The following HRH4 variants were observed in gnomAD, a reference collection of about 807,000 sequenced individuals.
The protein encoded by HRH4 is histamine H4 receptor.
In HRH4, 12 loss-of-function variants were observed where a neutral mutation model predicts 10.4. The ratio of observed to expected loss-of-function variants is 1.15; its 90% confidence interval spans 0.74 to 1.87. The LOEUF (loss-of-function observed/expected upper bound fraction) is 1.87. Among genes scored for constraint, HRH4 ranks in the 40% most tolerant of loss-of-function variants. HRH4 has a pLI of 0.00. For synonymous variants in HRH4, 154 were observed against 166.6 expected, an observed-to-expected ratio of 0.92 and a Z score of 0.58; for missense variants, 415 against 453.3, an observed-to-expected ratio of 0.92 and a Z score of 0.77.
At chr18:24,474,341 A>G (rs147276671) in intron 2 of HRH4, among the ~76,000 whole-genome samples, 109 of 151,066 alleles carry the variant, frequency 7.2e-4, no homozygotes, top group Admixed American at 2.9e-3. Context: ...AAAGACCAGC[A>G]ATTTGAGAGA....
In HRH4 at chr18:24,468,654, G is replaced by A. The variant is rs796663979; in HGVS notation, c.194-134G>A. 2.0e-5 allele frequency: 17 copies of A among 850,692 alleles called. 1 individual carries two copies. Among genetic ancestry groups the A allele is most frequent in the African/African-American group, 1.7e-4 (10 of 57,536 alleles). 52.7% of individuals were successfully genotyped at this position (850,692 alleles called of 1,614,324 possible). A position where few individuals can be genotyped will look rare whatever the true frequency, so the allele number is the denominator to read the frequency against. On this transcript the variant is annotated intron_variant, in intron 1 of 2. Coordinates refer to ENST00000256906, the MANE Select transcript of HRH4 (RefSeq NM_021624.4). The stretch of plus-strand genomic sequence containing the variant: ...GTCCTGAGCTGCTTGATGAAATACC[G>A]TGAATTTCTAAATTAGAGACAAATC...
chr18:24,466,029 G>A (rs966165544), intron 1 of HRH4, among the ~76,000 whole-genome samples: 2 of 152,032 alleles, frequency 1.3e-5, no homozygotes, highest in African/African-American at 4.8e-5. Flanking sequence ...AGCCACAACC[G>A]TGGGCTGAAA....
In HRH4 at chr18:24,465,149, G is replaced by A. The variant is rs138510541; in HGVS notation, c.194-3639G>A. On this transcript the variant is annotated intron_variant, in intron 1 of 2. Coordinates refer to ENST00000256906, the MANE Select transcript of HRH4 (RefSeq NM_021624.4). ...CTAAAAATACAAAAATTAGCCGGGC[G>A]TGGTGGCGTGTGCCTGTAATCCCAG... is the stretch of plus-strand genomic sequence containing the variant. Among the ~76,000 whole-genome samples, 154 of 152,192 alleles carry A rather than the reference G, an allele frequency of 1.0e-3. 2 individuals are homozygous for A. In the East Asian group the frequency reaches 0.023, roughly 22 times the overall value.
At chr18:24,465,227 G>A (rs981704374) in intron 1 of HRH4, among the ~76,000 whole-genome samples, 1 of 152,154 alleles carries the variant, frequency 6.6e-6, no homozygotes, top group African/African-American at 2.4e-5. Flanking sequence ...GGTGGAGGTT[G>A]CAGTGAGTCG....
At chr18:24,466,427 A>T (rs1485141198) in intron 1 of HRH4, among the ~76,000 whole-genome samples, 1 of 151,778 alleles carries the variant, frequency 6.6e-6, no homozygotes, top group Non-Finnish European at 1.5e-5. Flanking sequence ...TCAGCCAGTG[A>T]CCTATTTTAT....
intron 1 of HRH4, among the ~76,000 whole-genome samples, chr18:24,462,804 C>A (rs987587245): frequency 1.3e-5 from 2 of 152,190 alleles, no homozygotes; most frequent in Non-Finnish European, 2.9e-5. Context: ...TTCAGGTAAC[C>A]AACATTTGCT....
intron 1 of HRH4, among the ~76,000 whole-genome samples, chr18:24,465,655 G>T (rs756816906): frequency 1.3e-5 from 2 of 152,002 alleles, no homozygotes; most frequent in African/African-American, 4.8e-5. Context: ...TTTGCAACTC[G>T]TTCGGAACGA....
intron 1 of HRH4, among the ~76,000 whole-genome samples, chr18:24,464,699 T>C (rs1026440674): frequency 6.6e-6 from 1 of 152,130 alleles, no homozygotes; most frequent in African/African-American, 2.4e-5. Context: ...GGCTTCTCCA[T>C]CCTCATCTAT....
Position 24,478,967 on chromosome 18 carries a change from G to C in HRH4, c.*1405G>C, listed in dbSNP as rs1910229407. On this transcript the variant is annotated 3_prime_UTR_variant, in exon 3 of 3. Coordinates refer to ENST00000256906, the MANE Select transcript of HRH4 (RefSeq NM_021624.4). The stretch of plus-strand genomic sequence containing the variant: ...GATTCTTGCTCTGTCACCCAGGCTG[G>C]AGTGCAGTAGCATGATCAGGGATCA... 1 of 152,178 alleles carries C rather than the reference G, an allele frequency of 6.6e-6. No individual in the cohort carries two copies. The allele number at this position is 152,178 out of a possible 1,614,324, so 9.4% of individuals were successfully genotyped here. A position where few individuals can be genotyped will look rare whatever the true frequency, so the allele number is the denominator to read the frequency against.
intron 1 of HRH4, among the ~76,000 whole-genome samples, chr18:24,466,843 A>G (rs562868095): frequency 7.9e-5 from 12 of 152,354 alleles, no homozygotes; most frequent in African/African-American, 2.6e-4. Context: ...AATAGATCAT[A>G]TTCTTAGCAA....
chr18:24,464,485 G>A (rs1909723857), intron 1 of HRH4, among the ~76,000 whole-genome samples: 1 of 152,098 alleles, frequency 6.6e-6, no homozygotes, highest in Non-Finnish European at 1.5e-5. Context: ...TGTGAATTTG[G>A]GGAGGGCACA....
intron 1 of HRH4, among the ~76,000 whole-genome samples, chr18:24,466,737 A>T (rs1909787316): frequency 6.6e-6 from 1 of 152,118 alleles, no homozygotes; most frequent in African/African-American, 2.4e-5. Flanking sequence ...TTAATAATAG[A>T]CTAATTTGGT....
chr18:24,476,804 G>A lies in HRH4; in HGVS notation c.415G>A (p.Val139Ile), dbSNP rs780120010. ...GAAGATTGTTACTCTGATGGTGGCC[G>A]TTTGGGTGCTGGCCTTCTTAGTGAA... is the stretch of plus-strand genomic sequence containing the variant. Reference protein sequence around the residue: ...VLKIVTLMVAVWVLAFLVNGP... With the variant: ...VLKIVTLMVAIWVLAFLVNGP... The change falls in exon 3 of 3, where the codon GTT becomes ATT. Residue 139 changes from valine (V) to isoleucine (I), a missense_variant. Coordinates refer to ENST00000256906, the MANE Select transcript of HRH4 (RefSeq NM_021624.4). The A allele has an allele frequency of 1.2e-5, 20 of 1,614,080 alleles. No individual in the cohort carries two copies. The highest frequency in any genetic ancestry group is 1.6e-4 in the Middle Eastern group (1 of 6,084).
In HRH4 at chr18:24,477,279, G is replaced by C; in HGVS notation, c.890G>C (p.Arg297Thr). 2 of 1,614,206 alleles carry C rather than the reference G, an allele frequency of 1.2e-6. No individual in the cohort carries two copies. Among genetic ancestry groups the C allele is most frequent in the Non-Finnish European group, 1.7e-6 (2 of 1,180,042 alleles). Reference sequence around the variant, plus strand: ...CAAAGGGAACATGTTGAACTGCTTAGAGCCAGGAGATTAGCCAAGTCACTG... The same window carrying C: ...CAAAGGGAACATGTTGAACTGCTTACAGCCAGGAGATTAGCCAAGTCACTG... Reference protein sequence around the residue: ...LHQREHVELLRARRLAKSLAI... With the variant: ...LHQREHVELLTARRLAKSLAI... The change falls in exon 3 of 3, where the codon AGA (arginine) becomes ACA (threonine). Residue 297 changes from arginine (R) to threonine (T), a missense_variant. Arg to Thr is a moderately conservative substitution (Grantham distance 71, BLOSUM62 -1). Transcript: ENST00000256906.
chr18:24,477,244 A>G lies in HRH4; in HGVS notation c.855A>G (p.Val285=), dbSNP rs754564993. 1 of 1,614,244 alleles carries G rather than the reference A, an allele frequency of 6.2e-7. No individual in the cohort carries two copies. Among genetic ancestry groups the G allele is most frequent in the South Asian group, 1.1e-5 (1 of 91,088 alleles). ...GTTCCTTCTCCCAATCAGATTCTGTAGCTCTTCACCAAAGGGAACATGTTG... is the reference window on the plus strand; with the variant it reads ...GTTCCTTCTCCCAATCAGATTCTGTGGCTCTTCACCAAAGGGAACATGTTG... ...KMGSFSQSDS[V]ALHQREHVEL... Residue 285 remains valine (V), a synonymous_variant, in exon 3 of 3, where the codon GTA becomes GTG. Transcript: ENST00000256906.
intron 1 of HRH4, among the ~76,000 whole-genome samples, chr18:24,466,129 T>C (rs907059133): frequency 2.0e-5 from 3 of 151,732 alleles, no homozygotes; most frequent in African/African-American, 7.3e-5. Context: ...TTATTTATTT[T>C]TGAGGCAGGG....
At chr18:24,462,249 G>T (rs1406134906) in intron 1 of HRH4, among the ~76,000 whole-genome samples, 1 of 152,174 alleles carries the variant, frequency 6.6e-6, no homozygotes, top group Admixed American at 6.5e-5. Flanking sequence ...AGATGAAGAT[G>T]AAATCTATAA....
At position 24,479,874 on chromosome 18, in the gene HRH4, T is replaced by C. The variant is rs1910262270; in HGVS notation, c.*2312T>C. 6.6e-6 allele frequency: 1 copy of C among 152,206 alleles called. No homozygotes were observed. Among genetic ancestry groups the C allele is most frequent in the South Asian group, 2.1e-4 (1 of 4,830 alleles). 9.4% of individuals were successfully genotyped at this position (152,206 alleles called of 1,614,324 possible). On this transcript the variant is annotated 3_prime_UTR_variant, in exon 3 of 3. Transcript: ENST00000256906. ...ATAATGTTTATATACACTTATGCCT[T>C]ACATTAAAGTCCAATATGAGAAATA...
chr18:24,469,082 TTG>T (rs2144372928), intron 2 of HRH4, 131 bp downstream of exon 2: 2 of 650,974 alleles, frequency 3.1e-6, no homozygotes. Flanking sequence ...TATCCTTTTG[TTG>T]TCTGGCATAA....
Sources: allele counts gnomAD v4.1 joint callset (sites outside exome capture counted in the v4.1 genomes callset), GRCh38; gene constraint gnomAD v4.1.1; transcripts MANE v1.5; gene names NCBI Gene and HGNC (gene_info 2026-07-23, HGNC 2026-07-21).